Variants in DNM3 observed in about 807,000 individuals in gnomAD.
The protein encoded by DNM3 is dynamin 3.
DNM3 carries 47 observed loss-of-function variants against 101.6 expected under a neutral mutation model. The observed-to-expected ratio is 0.46, with a 90% CI of 0.37 to 0.59. The LOEUF is 0.59. Among genes scored for constraint, DNM3 ranks in the 20% least tolerant of loss-of-function variants. The probability of loss-of-function intolerance (pLI) is 0.00; values close to 1 mark genes in which losing one functional copy is unlikely to be tolerated. For synonymous variants in DNM3, 385 were observed against 387.9 expected (o/e 0.99, Z 0.09); for missense variants, 849 against 1,085.7 (o/e 0.78, Z 3.06).
intron 17 of DNM3, among the ~76,000 whole-genome samples, chr1:172,331,158 C>T (rs922177134): frequency 7.9e-5 from 12 of 152,188 alleles, no homozygotes; most frequent in Admixed American, 6.6e-5. Context: ...CTTCCTGGAC[C>T]AATCGTTCTT....
intron 17 of DNM3, among the ~76,000 whole-genome samples, chr1:172,361,857 G>T: frequency 6.6e-6 from 1 of 151,962 alleles, no homozygotes; most frequent in East Asian, 1.9e-4. Context: ...CCTTCCAACC[G>T]TGAACGCTTA....
intron 13 of DNM3, among the ~76,000 whole-genome samples, chr1:172,125,826 C>T (rs1481342043): frequency 6.6e-6 from 1 of 152,072 alleles, no homozygotes; most frequent in Admixed American, 6.5e-5. Flanking sequence ...TTTATTTTGG[C>T]AGTTTTAAAT....
rs11317272 is a variant in DNM3, at chr1:172,063,775, C to CA, written c.1336-5024dup. ...CCTGGGCAACAGAGCGAGACTTTGT[C>CA]AAAAAAAAAAAAAAAAAAAAGAATA... On this transcript the variant is annotated intron_variant, in intron 10 of 20. Transcript: ENST00000627582. Among the ~76,000 whole-genome samples, 721 of 87,698 alleles carry CA rather than the reference C, an allele frequency of 8.2e-3. 11 individuals carry two copies. Among genetic ancestry groups the CA allele is most frequent in the African/African-American group, 0.026 (646 of 24,618 alleles). 57.5% of individuals were successfully genotyped at this position (87,698 alleles called of 152,430 possible).
chr1:172,300,928 T>A lies in DNM3; in HGVS notation c.1770-7800T>A, dbSNP rs145986699. ...ATGGGAACATTGGAAGAAGACCAAG[T>A]TGTAAATCACCTGTTCAGTTTTTCA... On this transcript the variant is annotated intron_variant, in intron 15 of 20. Transcript: ENST00000627582. Among the ~76,000 whole-genome samples the A allele has an allele frequency of 4.8e-3, 734 of 152,322 alleles. 4 individuals carry two copies. The highest frequency in any genetic ancestry group is 0.017 in the African/African-American group (692 of 41,568).
At chr1:172,181,336 C>G (rs1205795017) in intron 14 of DNM3, among the ~76,000 whole-genome samples, 1 of 151,428 alleles carries the variant, frequency 6.6e-6, no homozygotes, top group Non-Finnish European at 1.5e-5. Context: ...CATTTTTCCT[C>G]TTGATGAATC....
intron 4 of DNM3, among the ~76,000 whole-genome samples, chr1:172,020,721 CAAAA>C (rs3051630): frequency 3.0e-5 from 2 of 66,334 alleles, no homozygotes; most frequent in Non-Finnish European, 5.7e-5. Flanking sequence ...GAGACTCCGT[CAAAA>C]AAAAAAAAAA....
chr1:171,941,700 C>T (rs1340618253), intron 2 of DNM3, among the ~76,000 whole-genome samples: 1 of 152,152 alleles, frequency 6.6e-6, no homozygotes, highest in East Asian at 1.9e-4. Flanking sequence ...TTCATAGTAT[C>T]CCTACTTTAT....
intron 11 of DNM3, among the ~76,000 whole-genome samples, chr1:172,074,520 C>T (rs12061795): frequency 0.73 from 110,134 of 151,646 alleles, 40,464 homozygotes; most frequent in African/African-American, 0.81. Flanking sequence ...CCTGTGTCCA[C>T]GTGTTCTCAT....
At chr1:172,353,747 G>A (rs1573575850) in intron 17 of DNM3, among the ~76,000 whole-genome samples, 1 of 152,016 alleles carries the variant, frequency 6.6e-6, no homozygotes, top group East Asian at 1.9e-4. Flanking sequence ...CAAATAATAA[G>A]TCTACTTATA....
intron 17 of DNM3, among the ~76,000 whole-genome samples, chr1:172,328,071 T>C (rs1337097787): frequency 1.3e-5 from 2 of 152,214 alleles, no homozygotes; most frequent in Non-Finnish European, 2.9e-5. Flanking sequence ...AAATAGACTC[T>C]ATAGAGAAGC....
At chr1:172,234,413 G>C (rs1378221965) in intron 14 of DNM3, among the ~76,000 whole-genome samples, 1 of 152,108 alleles carries the variant, frequency 6.6e-6, no homozygotes, top group African/African-American at 2.4e-5. Context: ...AACATTCCAT[G>C]CTCATGGATA....
intron 17 of DNM3, among the ~76,000 whole-genome samples, chr1:172,374,370 G>T (rs1171322523): frequency 6.6e-6 from 1 of 151,950 alleles, no homozygotes; most frequent in African/African-American, 2.4e-5. Flanking sequence ...GGATGTAGGT[G>T]ACAGCTTTAT....
chr1:172,258,844 T>C (rs781622372), intron 15 of DNM3, among the ~76,000 whole-genome samples: 1 of 152,058 alleles, frequency 6.6e-6, no homozygotes, highest in Non-Finnish European at 1.5e-5. Flanking sequence ...CATTGTATTG[T>C]TTATTTAAAA....
chr1:172,022,448 T>C (rs2047911480), intron 4 of DNM3, among the ~76,000 whole-genome samples: 1 of 152,126 alleles, frequency 6.6e-6, no homozygotes, highest in Non-Finnish European at 1.5e-5. Context: ...GATAAGAAAA[T>C]GGTCCCCTTT....
At chr1:172,289,999 TTGA>T in intron 15 of DNM3, 1 of 917,422 alleles carries the variant, frequency 1.1e-6, no homozygotes, top group Non-Finnish European at 1.3e-6. Context: ...CATCATAGGT[TTGA>T]TGATTAATTT....
At chr1:172,367,033 G>A (rs984226074) in intron 17 of DNM3, among the ~76,000 whole-genome samples, 3 of 151,620 alleles carry the variant, frequency 2.0e-5, no homozygotes, top group Non-Finnish European at 4.4e-5. Context: ...AGTTCAAAAA[G>A]GTCCTCTCCA....
intron 2 of DNM3, among the ~76,000 whole-genome samples, chr1:171,942,030 CTGTT>C (rs925947776): frequency 2.0e-5 from 3 of 151,870 alleles, no homozygotes; most frequent in Non-Finnish European, 2.9e-5. Context: ...TTATAAAAAT[CTGTT>C]TGTATTTTTT....
chr1:172,310,474 A>T (rs1370297308), intron 16 of DNM3: 1 of 152,226 alleles, frequency 6.6e-6, no homozygotes, highest in Non-Finnish European at 1.5e-5. Flanking sequence ...GTTCTATAAA[A>T]TGTTAAGTAA....
intron 1 of DNM3, among the ~76,000 whole-genome samples, chr1:171,886,333 A>G (rs2036766352): frequency 6.6e-6 from 1 of 152,220 alleles, no homozygotes; most frequent in African/African-American, 2.4e-5. Context: ...GCGTTTGTCT[A>G]TAAATCAGAT....
Sources: gnomAD v4.1 joint callset for allele counts (sites outside exome capture counted in the v4.1 genomes callset) on GRCh38, gnomAD v4.1.1 for gene constraint, MANE v1.5 for transcripts, NCBI Gene and HGNC (gene_info 2026-07-23, HGNC 2026-07-21) for gene names.